The following POM121C variants were observed in gnomAD, a reference collection of about 807,000 sequenced individuals.
POM121C encodes the protein POM121 transmembrane nucleoporin C.
In POM121C, 20 loss-of-function variants were observed where a neutral mutation model predicts 66.4. The ratio of observed to expected loss-of-function variants is 0.30; its 90% CI spans 0.21 to 0.44. POM121C has a LOEUF of 0.44. POM121C is among the 20% of genes least tolerant of loss of function. The pLI is 1.00. For missense variants in POM121C, 580 were observed against 1,225.7 expected, an observed-to-expected ratio of 0.47 and a Z score of 7.87; for synonymous variants, 286 against 528.0, an observed-to-expected ratio of 0.54 and a Z score of 6.28.
intron 1 of POM121C, among the ~76,000 whole-genome samples, chr7:75,479,413 C>T (rs587693354): frequency 7.2e-5 from 11 of 151,956 alleles, no homozygotes; most frequent in Admixed American, 2.6e-4. Flanking sequence ...GTCAGGAGTT[C>T]GAGACCAGCC....
chr7:75,433,996 C>G (rs1223619846), intron 7 of POM121C, among the ~76,000 whole-genome samples: 1 of 152,306 alleles, frequency 6.6e-6, no homozygotes, highest in South Asian at 2.1e-4. Flanking sequence ...ATTCCTGCCA[C>G]GCAGCCCTCT....
At chr7:75,483,631 A>G (rs1362881292) in intron 1 of POM121C, among the ~76,000 whole-genome samples, 3 of 152,188 alleles carry the variant, frequency 2.0e-5, no homozygotes, top group Non-Finnish European at 1.5e-5. Flanking sequence ...ACTAATACAG[A>G]TGGCATTTTC....
chr7:75,464,910 C>T (rs1468319924), intron 3 of POM121C, among the ~76,000 whole-genome samples: 5 of 143,672 alleles, frequency 3.5e-5, no homozygotes, highest in South Asian at 2.2e-4. Context: ...AAAAATTCAC[C>T]AGACTATTTC....
At chr7:75,485,205 T>G (rs3897241) in intron 1 of POM121C, among the ~76,000 whole-genome samples, 11 of 152,174 alleles carry the variant, frequency 7.2e-5, no homozygotes, top group Admixed American at 6.6e-4. Context: ...GAATTGAGTA[T>G]GTGAGCTCTC....
At chr7:75,460,861 T>C (rs1201459293) in intron 3 of POM121C, among the ~76,000 whole-genome samples, 1 of 152,124 alleles carries the variant, frequency 6.6e-6, no homozygotes, top group Non-Finnish European at 1.5e-5. Context: ...GCCCGGATGC[T>C]TGCCTTGGTT....
At position 75,439,069 on chromosome 7, in the gene POM121C, A is replaced by G. The variant is rs1790527099; in HGVS notation, c.308+75T>C. 2.6e-6 allele frequency: 4 copies of G among 1,522,532 alleles called. No individual in the cohort carries two copies. The South Asian group carries it at 4.6e-5, about 17-fold the overall frequency. The allele number at this position is 1,522,532 out of a possible 1,614,324, so 94.3% of individuals were successfully genotyped here. On this transcript the variant is annotated intron_variant, in intron 6 of 14. Transcript: ENST00000615331. Reference sequence around the variant, plus strand: ...AAGCAATGCAAAAAACAAAGAGGAAAATCTATAGGGCAACAGCTCTGATCA... The same window carrying G: ...AAGCAATGCAAAAAACAAAGAGGAAGATCTATAGGGCAACAGCTCTGATCA...
chr7:75,441,286 G>A (rs1790637591), intron 4 of POM121C, 146 bp downstream of exon 4: 3 of 1,310,304 alleles, frequency 2.3e-6, no homozygotes, highest in Admixed American at 2.6e-5. Flanking sequence ...AAAAACAAAC[G>A]GTTTTACTAG....
chr7:75,486,188 C>T lies in POM121C; in HGVS notation c.-782G>A, dbSNP rs1792540465. 1 of 303,120 alleles carries T rather than the reference C, an allele frequency of 3.3e-6. No homozygotes were observed. The highest frequency in any genetic ancestry group is 5.0e-5 in the Admixed American group (1 of 20,186). 18.8% of individuals were successfully genotyped at this position (303,120 alleles called of 1,614,324 possible). The stretch of plus-strand genomic sequence containing the variant: ...AGCTCCCGCCCGCCTAGGTGCTGGT[C>T]CGGGCGGTCAGCATCCAGCCCCGCA... On this transcript the variant is annotated 5_prime_UTR_variant, in exon 1 of 15. Coordinates refer to ENST00000615331, the MANE Select transcript of POM121C (RefSeq NM_001099415.3).
At chr7:75,474,168 T>C (rs1189737502) in intron 3 of POM121C, among the ~76,000 whole-genome samples, 4 of 151,926 alleles carry the variant, frequency 2.6e-5, no homozygotes, top group Admixed American at 6.6e-5. Flanking sequence ...CTGAGGTGGG[T>C]GGATCACTTG....
At position 75,482,888 on chromosome 7, in the gene POM121C, A is replaced by G. The variant is rs587651380; in HGVS notation, c.-458+2976T>C. 2.6e-5 allele frequency among the ~76,000 whole-genome samples: 4 copies of G among 152,366 alleles called. No homozygotes were observed. The East Asian group carries it at 5.8e-4, about 22-fold the overall frequency. On this transcript the variant is annotated intron_variant, in intron 1 of 14. Transcript: ENST00000615331. ...GAAATGCCCACTGGATTTGACTGCA[A>G]TTAAATCACTGGTCACCTTTACTGA...
At chr7:75,443,239 G>A (rs1790729157) in intron 3 of POM121C, among the ~76,000 whole-genome samples, 1 of 152,168 alleles carries the variant, frequency 6.6e-6, no homozygotes, top group Non-Finnish European at 1.5e-5. Context: ...TTATACCTAT[G>A]CTAAAGTTAT....
At chr7:75,471,835 T>C (rs1791890719) in intron 3 of POM121C, among the ~76,000 whole-genome samples, 1 of 152,164 alleles carries the variant, frequency 6.6e-6, no homozygotes, top group East Asian at 1.9e-4. Flanking sequence ...ACAATGCAAA[T>C]ACAGTTAACA....
intron 1 of POM121C, among the ~76,000 whole-genome samples, chr7:75,485,504 G>A (rs1469639204): frequency 1.1e-4 from 16 of 151,402 alleles, no homozygotes; most frequent in Admixed American, 3.3e-4. Flanking sequence ...CCCAGGGCAG[G>A]TCTAAGGGGG....
chr7:75,453,631 A>C (rs1343301740), intron 3 of POM121C, among the ~76,000 whole-genome samples: 3 of 151,758 alleles, frequency 2.0e-5, no homozygotes, highest in South Asian at 4.2e-4. Flanking sequence ...AGTATAAAGA[A>C]GTAAAGTGTT....
intron 8 of POM121C, among the ~76,000 whole-genome samples, 192 bp from the exon 9 acceptor site, chr7:75,425,900 T>C (rs1554471665): frequency 3.3e-5 from 5 of 150,714 alleles, no homozygotes; most frequent in Non-Finnish European, 5.9e-5. Context: ...ACAGAGGCCA[T>C]GAAGACAGTT....
intron 7 of POM121C, among the ~76,000 whole-genome samples, chr7:75,432,599 A>G (rs1311298093): frequency 1.3e-5 from 2 of 152,164 alleles, no homozygotes; most frequent in African/African-American, 4.8e-5. Flanking sequence ...TTATTACTTG[A>G]CCTGAGTGGT....
Position 75,485,959 on chromosome 7 carries a change from T to C in POM121C, c.-553A>G, listed in dbSNP as rs1320187985. On this transcript the variant is annotated 5_prime_UTR_variant, in exon 1 of 15. Coordinates refer to ENST00000615331, the MANE Select transcript of POM121C (RefSeq NM_001099415.3). ...CGCGTCTGCTCGCGAGGTCCCCTCCTGTCCACCTCACCAAGGCTGTTCTGC... is the reference window on the plus strand; with the variant it reads ...CGCGTCTGCTCGCGAGGTCCCCTCCCGTCCACCTCACCAAGGCTGTTCTGC... The C allele has an allele frequency of 2.0e-6, 1 of 499,200 alleles. No homozygotes were observed. Among genetic ancestry groups the C allele is most frequent in the South Asian group, 1.4e-5 (1 of 69,138 alleles). The allele number at this position is 499,200 out of a possible 1,614,324, so 30.9% of individuals were successfully genotyped here.
intron 13 of POM121C, chr7:75,419,836 G>C: frequency 1.0e-5 from 2 of 195,140 alleles, no homozygotes; most frequent in Non-Finnish European, 1.0e-5. Context: ...TGGTTTGTCC[G>C]TCCTGTGTCT....
intron 3 of POM121C, among the ~76,000 whole-genome samples, chr7:75,462,642 G>A (rs1300042920): frequency 6.6e-6 from 1 of 152,014 alleles, no homozygotes; most frequent in African/African-American, 2.4e-5. Context: ...CTGCCTGAGG[G>A]CTGCCAAAAG....
Sources: gnomAD v4.1 joint callset for allele counts (sites outside exome capture counted in the v4.1 genomes callset) on GRCh38, gnomAD v4.1.1 for gene constraint, MANE v1.5 for transcripts, NCBI Gene and HGNC (gene_info 2026-07-23, HGNC 2026-07-21) for gene names.